Variants in WWOX observed in about 807,000 individuals in gnomAD.
WWOX encodes the protein WW domain containing oxidoreductase, also known as WW domain-containing oxidoreductase.
Under a neutral mutation model 46.2 loss-of-function variants are expected in WWOX, and 69 were observed. The ratio of observed to expected loss-of-function variants is 1.49; its 90% CI spans 1.23 to 1.82. The LOEUF (loss-of-function observed/expected upper bound fraction) is 1.82, where lower values mean the gene tolerates loss of function less well. Ranked by LOEUF, WWOX falls within the 40% of genes most tolerant of loss-of-function variation. The probability of loss-of-function intolerance (pLI) is 0.00; values close to 1 mark genes in which losing one functional copy is unlikely to be tolerated. For missense variants in WWOX, 919 were observed against 542.6 expected (o/e 1.69, Z -6.89); for synonymous variants, 359 against 202.6 (o/e 1.77, Z -6.56).
intron 8 of WWOX, among the ~76,000 whole-genome samples, chr16:78,721,023 A>C (rs2048676804): frequency 6.6e-6 from 1 of 152,108 alleles, no homozygotes; most frequent in South Asian, 2.1e-4. Flanking sequence ...TACTATTGCC[A>C]ACTCCTGCAT....
chr16:78,176,529 G>T (rs1041237419), intron 5 of WWOX, among the ~76,000 whole-genome samples: 11 of 152,142 alleles, frequency 7.2e-5, no homozygotes, highest in African/African-American at 2.4e-4. Flanking sequence ...CCTGTAAACC[G>T]GGTAGCTGGG....
chr16:78,403,965 T>C (rs996315179), intron 6 of WWOX, among the ~76,000 whole-genome samples: 5 of 152,156 alleles, frequency 3.3e-5, no homozygotes, highest in Admixed American at 6.5e-5. Flanking sequence ...AAGACAAATA[T>C]TGTATTATCT....
At chr16:78,341,695 G>A (rs1249702347) in intron 5 of WWOX, among the ~76,000 whole-genome samples, 1 of 120,338 alleles carries the variant, frequency 8.3e-6, no homozygotes, top group East Asian at 1.9e-4. Context: ...ACACAGGTGA[G>A]ACATAGCATC....
chr16:79,110,561 C>T (rs560467255), intron 8 of WWOX: 12 of 152,322 alleles, frequency 7.9e-5, no homozygotes, highest in Admixed American at 7.2e-4. Context: ...ATTCTTGTCC[C>T]TGTGTGAAGG....
At chr16:79,023,054 A>G (rs554781696) in intron 8 of WWOX, among the ~76,000 whole-genome samples, 9 of 152,250 alleles carry the variant, frequency 5.9e-5, no homozygotes, top group Non-Finnish European at 1.3e-4. Context: ...TGAAAAAACA[A>G]AAATAATACC....
chr16:78,796,070 T>C (rs1017500846), intron 8 of WWOX, among the ~76,000 whole-genome samples: 4 of 152,236 alleles, frequency 2.6e-5, no homozygotes, highest in Admixed American at 6.5e-5. Context: ...ATAAATACTT[T>C]AGACTGGCTA....
Position 78,704,070 on chromosome 16 carries a change from A to T in WWOX, c.1056+271318A>T, listed in dbSNP as rs746799144. Among the ~76,000 whole-genome samples, 33 of 151,860 alleles carry T rather than the reference A, an allele frequency of 2.2e-4. 2 individuals carry two copies. Among genetic ancestry groups the T allele is most frequent in the East Asian group, 3.9e-4 (2 of 5,176 alleles). On this transcript the variant is annotated intron_variant, in intron 8 of 8. Transcript: ENST00000566780. ...AACTTGATTCTTAAATCTCCCAGCC[A>T]TCTGTTTCAATTCACTAGATGTTGT... is the stretch of plus-strand genomic sequence containing the variant.
At chr16:78,924,158 A>G (rs1306164391) in intron 8 of WWOX, among the ~76,000 whole-genome samples, 1 of 152,116 alleles carries the variant, frequency 6.6e-6, no homozygotes. Flanking sequence ...TGGTTAGAGA[A>G]GCAGAAAGAA....
At chr16:79,051,096 A>C (rs531300018) in intron 8 of WWOX, among the ~76,000 whole-genome samples, 4 of 152,326 alleles carry the variant, frequency 2.6e-5, no homozygotes, top group African/African-American at 9.6e-5. Context: ...ACAGTAAAAT[A>C]AACAGGTGTG....
intron 5 of WWOX, among the ~76,000 whole-genome samples, chr16:78,314,687 G>GTTTTTTTTTT (rs1567494414): frequency 1.1e-5 from 1 of 92,058 alleles, no homozygotes; most frequent in East Asian, 6.9e-4. Context: ...ACCCTGCAGG[G>GTTTTTTTTTT]GTTTTTTTTT....
chr16:79,107,332 C>T (rs1174659272), intron 8 of WWOX, among the ~76,000 whole-genome samples: 1 of 151,788 alleles, frequency 6.6e-6, no homozygotes, highest in Non-Finnish European at 1.5e-5. Context: ...AAGTGATCCG[C>T]CCTTCTCGGC....
intron 8 of WWOX, among the ~76,000 whole-genome samples, chr16:79,073,236 A>G (rs1199544507): frequency 6.6e-6 from 1 of 151,362 alleles, no homozygotes; most frequent in Non-Finnish European, 1.5e-5. Flanking sequence ...CTGGAGTGAA[A>G]TGGCACGATC....
At chr16:78,361,378 T>C (rs56293135) in intron 5 of WWOX, among the ~76,000 whole-genome samples, 32,968 of 151,872 alleles carry the variant, frequency 0.22, 5,088 homozygotes, top group African/African-American at 0.44. Context: ...GTAATGTTAT[T>C]AATTTTTCCT....
At position 78,868,651 on chromosome 16, in the gene WWOX, A is replaced by G. The variant is rs148078815; in HGVS notation, c.1057-342957A>G. 1.2e-4 allele frequency among the ~76,000 whole-genome samples: 18 copies of G among 152,298 alleles called. 1 individual carries two copies. Among genetic ancestry groups the G allele is most frequent in the Middle Eastern group, 3.4e-3 (1 of 294 alleles). ...GTATAATTAGACAAATTCTGTTACT[A>G]TCTGTCCAACAGTTTAGCAAGAGTC... On this transcript the variant is annotated intron_variant, in intron 8 of 8. Transcript: ENST00000566780.
chr16:78,362,125 G>T (rs1053844531), intron 5 of WWOX, among the ~76,000 whole-genome samples: 2 of 151,940 alleles, frequency 1.3e-5, no homozygotes, highest in Non-Finnish European at 2.9e-5. Flanking sequence ...TTTATGTCCG[G>T]TGGCCATAGG....
rs78067154 is a variant in WWOX at position 78,940,131 on chromosome 16, A to T, written c.1057-271477A>T. Among the ~76,000 whole-genome samples the T allele has an allele frequency of 6.7e-3, 1,016 of 152,332 alleles. 14 individuals carry two copies. Among genetic ancestry groups the T allele is most frequent in the African/African-American group, 0.024 (981 of 41,568 alleles). On this transcript the variant is annotated intron_variant, in intron 8 of 8. Coordinates refer to ENST00000566780, the MANE Select transcript of WWOX (RefSeq NM_016373.4). ...GCCAGGGTCTTCCGAGACTTGGGAC[A>T]ATAATATATTTTTTCTACTTTAGGC...
At chr16:78,528,838 C>G (rs938056307) in intron 8 of WWOX, among the ~76,000 whole-genome samples, 17 of 152,024 alleles carry the variant, frequency 1.1e-4, no homozygotes, top group African/African-American at 4.1e-4. Context: ...CAGGCAACCT[C>G]TATGTAACCT....
chr16:79,014,410 T>C (rs1278825943), intron 8 of WWOX, among the ~76,000 whole-genome samples: 1 of 152,212 alleles, frequency 6.6e-6, no homozygotes, highest in Non-Finnish European at 1.5e-5. Context: ...CTTTAAATTT[T>C]CTCAAGCTGT....
rs142482173 is a variant in WWOX at position 78,795,682 on chromosome 16, C to T, written c.1056+362930C>T. ...TTTTTTTATTAACATACACAGTCAG[C>T]ATTGGGTGTGGCTCTGGGGATTCAT... On this transcript the variant is annotated intron_variant, in intron 8 of 8. Coordinates refer to ENST00000566780, the MANE Select transcript of WWOX (RefSeq NM_016373.4). Among the ~76,000 whole-genome samples, 470 of 152,284 alleles carry T rather than the reference C, an allele frequency of 3.1e-3. 2 individuals carry two copies. Among genetic ancestry groups the T allele is most frequent in the Admixed American group, 6.9e-3 (105 of 15,294 alleles).
Sources: gnomAD v4.1 joint callset for allele counts (sites outside exome capture counted in the v4.1 genomes callset) on GRCh38, gnomAD v4.1.1 for gene constraint, MANE v1.5 for transcripts, NCBI Gene and HGNC (gene_info 2026-07-23, HGNC 2026-07-21) for gene names.